Variants in IQGAP2 observed in about 807,000 individuals in gnomAD.
The protein encoded by IQGAP2 is IQ motif containing GTPase activating protein 2, also known as ras GTPase-activating-like protein IQGAP2.
In IQGAP2, 173 loss-of-function variants were observed where a neutral mutation model predicts 201.3. The ratio of observed to expected loss-of-function variants is 0.86; its 90% CI spans 0.76 to 0.98. The LOEUF (loss-of-function observed/expected upper bound fraction) is 0.98. Ranked by LOEUF, IQGAP2 falls within the 50% of genes least tolerant of loss-of-function variation. The pLI is 0.00. For missense variants in IQGAP2, 1,687 were observed against 1,864.8 expected (o/e 0.90, Z 1.76); for synonymous variants, 675 against 673.9 (o/e 1.00, Z -0.03).
chr5:76,554,006 G>A (rs1268504943), intron 2 of IQGAP2, among the ~76,000 whole-genome samples: 2 of 152,140 alleles, frequency 1.3e-5, no homozygotes, highest in Non-Finnish European at 2.9e-5. Context: ...CTGTACATAA[G>A]TCATAGACAT....
intron 1 of IQGAP2, among the ~76,000 whole-genome samples, chr5:76,406,069 C>T (rs1442814784): frequency 6.6e-6 from 1 of 152,174 alleles, no homozygotes. Context: ...GCTCTCTCTC[C>T]TACCCACTTG....
chr5:76,555,129 G>A (rs111836467), intron 2 of IQGAP2, among the ~76,000 whole-genome samples: 2,459 of 152,278 alleles, frequency 0.016, 68 homozygotes, highest in African/African-American at 0.055. Flanking sequence ...AGATTAGTGT[G>A]TTAGGGGCTT....
intron 4 of IQGAP2, 27 bp downstream of exon 4, chr5:76,570,684 A>C (rs762482827): frequency 6.6e-7 from 1 of 1,507,706 alleles, no homozygotes; most frequent in African/African-American, 1.4e-5. Context: ...TGGAATCTGA[A>C]CTAGAAAGGC....
chr5:76,704,733 C>A (rs1455106182), intron 35 of IQGAP2, among the ~76,000 whole-genome samples: 1 of 152,194 alleles, frequency 6.6e-6, no homozygotes, highest in Non-Finnish European at 1.5e-5. Context: ...ACCCACGGAG[C>A]CAGCCCTGCA....
intron 2 of IQGAP2, among the ~76,000 whole-genome samples, chr5:76,561,120 C>T (rs1056570790): frequency 6.6e-6 from 1 of 152,186 alleles, no homozygotes; most frequent in Non-Finnish European, 1.5e-5. Flanking sequence ...TCACACTACT[C>T]AGAACGATAT....
At chr5:76,511,279 C>G (rs1021932418) in intron 2 of IQGAP2, among the ~76,000 whole-genome samples, 1 of 152,144 alleles carries the variant, frequency 6.6e-6, no homozygotes, top group African/African-American at 2.4e-5. Flanking sequence ...GATCCTTTTG[C>G]CTTGCCCTCA....
intron 1 of IQGAP2, among the ~76,000 whole-genome samples, chr5:76,416,103 G>C (rs923990337): frequency 6.6e-6 from 1 of 152,208 alleles, no homozygotes; most frequent in African/African-American, 2.4e-5. Flanking sequence ...GTGAAGAGGT[G>C]AACTACTCAT....
intron 1 of IQGAP2, among the ~76,000 whole-genome samples, chr5:76,438,994 T>A (rs1008128854): frequency 8.1e-6 from 1 of 123,970 alleles, no homozygotes; most frequent in Admixed American, 7.3e-5. Flanking sequence ...CAATTTGTGA[T>A]CTTTCCGATT....
chr5:76,557,566 T>C (rs1321804007), intron 2 of IQGAP2, among the ~76,000 whole-genome samples: 1 of 152,236 alleles, frequency 6.6e-6, no homozygotes, highest in Non-Finnish European at 1.5e-5. Context: ...TCTTAAAATA[T>C]TTTATGATGT....
intron 2 of IQGAP2, among the ~76,000 whole-genome samples, chr5:76,492,166 A>C (rs1378996683): frequency 6.6e-6 from 1 of 152,204 alleles, no homozygotes; most frequent in Non-Finnish European, 1.5e-5. Context: ...ATTTGGCCCC[A>C]GTAGTTCTTA....
intron 12 of IQGAP2, among the ~76,000 whole-genome samples, chr5:76,610,245 A>G (rs62362042): frequency 0.16 from 22,418 of 141,904 alleles, 1,907 homozygotes; most frequent in Admixed American, 0.27. Context: ...TGATTCTCCT[A>G]CCTCAGCCTC....
chr5:76,566,814 T>G (rs1237864636), intron 3 of IQGAP2, among the ~76,000 whole-genome samples: 1 of 151,662 alleles, frequency 6.6e-6, no homozygotes, highest in African/African-American at 2.4e-5. Context: ...GACAGCTGGG[T>G]GGACAGTGGG....
intron 1 of IQGAP2, among the ~76,000 whole-genome samples, chr5:76,422,712 G>C (rs989964524): frequency 9.8e-5 from 15 of 152,312 alleles, no homozygotes; most frequent in Middle Eastern, 3.4e-3. Context: ...TGGTAGAAGA[G>C]GACAGGTCTA....
At position 76,671,741 on chromosome 5, in the gene IQGAP2, T is replaced by C. The variant is rs1164340619; in HGVS notation, c.2844-18T>C. 5 of 1,569,986 alleles carry C rather than the reference T, an allele frequency of 3.2e-6. No individual in the cohort carries two copies. The highest frequency in any genetic ancestry group is 3.5e-5 in the Admixed American group (2 of 56,628). ...TCCATGGAAGCAAACCATTTTGTTT[T>C]GTCTTGGGCTTTTTTAGATCAAAAG... On this transcript the variant is annotated intron_variant, in intron 23 of 35. Transcript: ENST00000274364.
intron 27 of IQGAP2, among the ~76,000 whole-genome samples, chr5:76,675,998 T>C (rs1470505575): frequency 1.3e-5 from 2 of 151,636 alleles, no homozygotes; most frequent in Non-Finnish European, 2.9e-5. Context: ...GGAGGATCAC[T>C]TGAGCCTTGG....
At chr5:76,513,950 T>C (rs1758143366) in intron 2 of IQGAP2, among the ~76,000 whole-genome samples, 1 of 151,018 alleles carries the variant, frequency 6.6e-6, no homozygotes, top group Non-Finnish European at 1.5e-5. Context: ...TATACGGAAA[T>C]CCTGTACTTT....
At chr5:76,443,201 A>G (rs1232175828) in intron 1 of IQGAP2, among the ~76,000 whole-genome samples, 1 of 152,212 alleles carries the variant, frequency 6.6e-6, no homozygotes, top group African/African-American at 2.4e-5. Context: ...AATATATACA[A>G]ATAGTCTCCA....
intron 3 of IQGAP2, among the ~76,000 whole-genome samples, chr5:76,568,881 T>C (rs924963835): frequency 1.3e-5 from 2 of 152,198 alleles, no homozygotes; most frequent in African/African-American, 2.4e-5. Flanking sequence ...CATTATTTAT[T>C]TTGTGGCACA....
chr5:76,454,356 A>G (rs1239383656), intron 1 of IQGAP2, among the ~76,000 whole-genome samples: 2 of 151,696 alleles, frequency 1.3e-5, no homozygotes, highest in Non-Finnish European at 2.9e-5. Flanking sequence ...TTTGTTACAT[A>G]TGTATACATG....
Sources: gnomAD v4.1 joint callset for allele counts (sites outside exome capture counted in the v4.1 genomes callset) on GRCh38, gnomAD v4.1.1 for gene constraint, MANE v1.5 for transcripts, NCBI Gene and HGNC (gene_info 2026-07-23, HGNC 2026-07-21) for gene names.